Variants in ACSL1 observed in about 807,000 individuals in gnomAD.
ACSL1 encodes acyl-CoA synthetase long chain family member 1, also known as long-chain-fatty-acid--CoA ligase 1.
A neutral mutation model predicts 98.4 loss-of-function variants in ACSL1; 41 were observed. That is an observed-to-expected ratio of 0.42 (90% CI 0.32 to 0.54). ACSL1 has a LOEUF of 0.54. Ranked by LOEUF, ACSL1 falls within the 20% of genes least tolerant of loss-of-function variation. The pLI is 0.13. For synonymous variants in ACSL1, 316 were observed against 322.7 expected (o/e 0.98, Z 0.22); for missense variants, 734 against 883.1 (o/e 0.83, Z 2.14).
rs3806795 is a variant in ACSL1 at position 184,803,994 on chromosome 4, C to T, written c.-32-448G>A. On this transcript the variant is annotated intron_variant, in intron 1 of 20. Coordinates refer to ENST00000281455, the MANE Select transcript of ACSL1 (RefSeq NM_001995.5). This position sits in a 1 kb window ranked among gnomAD's most constrained non-coding sequence, Gnocchi z 4.8. ...AGTACAAGCCCAAACCACCTAAGGG[C>T]CATCAGTTTCTATTTCTTCCAACAG... is the stretch of plus-strand genomic sequence containing the variant. Among the ~76,000 whole-genome samples, 148 of 152,280 alleles carry T rather than the reference C, an allele frequency of 9.7e-4. 3 individuals are homozygous for T. In the East Asian group the frequency reaches 0.026, roughly 26 times the overall value.
intron 7 of ACSL1, among the ~76,000 whole-genome samples, chr4:184,774,773 T>G (rs961883917): frequency 1.1e-4 from 16 of 148,116 alleles, no homozygotes; most frequent in African/African-American, 3.7e-4. Context: ...CAGGGCTTAG[T>G]GAGTTTCTGC....
chr4:184,776,672 A>T lies in ACSL1; in HGVS notation c.578-10T>A. 6.2e-7 allele frequency: 1 copy of T among 1,606,518 alleles called. No homozygotes were observed. Among genetic ancestry groups the T allele is most frequent in the Non-Finnish European group, 8.5e-7 (1 of 1,178,534 alleles). Reference sequence around the variant, plus strand: ...ACCAGAGAGAGTTCAGCTGTAAATGAAGAGATACAATGAAGAATAAGCTCT... The same window carrying T: ...ACCAGAGAGAGTTCAGCTGTAAATGTAGAGATACAATGAAGAATAAGCTCT... On this transcript the variant is annotated splice_polypyrimidine_tract_variant and intron_variant, in intron 6 of 20. Coordinates refer to ENST00000281455, the MANE Select transcript of ACSL1 (RefSeq NM_001995.5).
Position 184,825,090 on chromosome 4 carries a change from G to A in ACSL1, c.-33+826C>T. 2.5e-6 allele frequency: 2 copies of A among 809,126 alleles called. No individual in the cohort carries two copies. Among genetic ancestry groups the A allele is most frequent in the Non-Finnish European group, 3.0e-6 (2 of 669,170 alleles). 50.1% of individuals were successfully genotyped at this position (809,126 alleles called of 1,614,324 possible). The stretch of plus-strand genomic sequence containing the variant: ...GGGCACTAGAGAACGCTTTTAGAAT[G>A]GTCACTCTTAATTATGCTCCATAAC... On this transcript the variant is annotated intron_variant, in intron 1 of 20. Coordinates refer to ENST00000281455, the MANE Select transcript of ACSL1 (RefSeq NM_001995.5). This position sits in a 1 kb window ranked among gnomAD's most constrained non-coding sequence, Gnocchi z 4.7.
Position 184,757,587 on chromosome 4 carries a change from TG to T in ACSL1, c.1956+47del, listed in dbSNP as rs1244593257. ...TAATCTACCTGTAAAAAAATCTTAA[TG>T]GAAAATTTGTTTTACAGGAATTCAC... On this transcript the variant is annotated intron_variant, in intron 20 of 20. Transcript: ENST00000281455. The surrounding 1 kb of genome is among the most constrained non-coding windows in gnomAD (Gnocchi z 4.5). The T allele has an allele frequency of 6.5e-7, 1 of 1,550,332 alleles. No individual in the cohort carries two copies. The highest frequency in any genetic ancestry group is 8.8e-7 in the Non-Finnish European group (1 of 1,136,428).
intron 1 of ACSL1, among the ~76,000 whole-genome samples, chr4:184,816,330 G>T (rs959471650): frequency 1.2e-4 from 19 of 152,216 alleles, no homozygotes; most frequent in Non-Finnish European, 2.8e-4. Context: ...TATTGGGAAG[G>T]AGAAGAGAGG....
At chr4:184,819,147 T>TG (rs1772860468) in intron 1 of ACSL1, among the ~76,000 whole-genome samples, 2 of 143,348 alleles carry the variant, frequency 1.4e-5, no homozygotes, top group East Asian at 3.9e-4. Flanking sequence ...GTACTTTTTT[T>TG]TTTTTTTTTT....
intron 1 of ACSL1, chr4:184,821,360 A>G (rs1244298601): frequency 1.1e-5 from 3 of 274,058 alleles, no homozygotes; most frequent in Admixed American, 9.4e-5. Context: ...CTAAGGGGAA[A>G]GTGCCCATTT....
intron 1 of ACSL1, among the ~76,000 whole-genome samples, chr4:184,814,637 G>C (rs898369005): frequency 5.3e-5 from 8 of 152,092 alleles, no homozygotes; most frequent in African/African-American, 1.9e-4. Context: ...ACTATTAGCT[G>C]TATTTTTAAA....
chr4:184,808,277 CA>C (rs1194646229), intron 1 of ACSL1: 3 of 983,148 alleles, frequency 3.1e-6, no homozygotes, highest in Non-Finnish European at 2.4e-6. Context: ...TGCAACTCTG[CA>C]AACTTTTACT....
intron 3 of ACSL1, among the ~76,000 whole-genome samples, chr4:184,784,923 A>G (rs1766956996): frequency 6.6e-6 from 1 of 152,252 alleles, no homozygotes; most frequent in Non-Finnish European, 1.5e-5. Flanking sequence ...GACTGTAACA[A>G]GCACCATACA....
chr4:184,795,278 C>T (rs1230729651), intron 2 of ACSL1, among the ~76,000 whole-genome samples: 1 of 152,186 alleles, frequency 6.6e-6, no homozygotes, highest in Non-Finnish European at 1.5e-5. Flanking sequence ...TCATTTGGCA[C>T]CAGTTGGTTC....
intron 10 of ACSL1, among the ~76,000 whole-genome samples, chr4:184,771,125 A>G (rs1764451806): frequency 6.6e-6 from 1 of 150,826 alleles, no homozygotes; most frequent in Non-Finnish European, 1.5e-5. Flanking sequence ...CTCTGAATCA[A>G]AAAAAAAAGC....
chr4:184,824,927 T>A (rs921731941), intron 1 of ACSL1, among the ~76,000 whole-genome samples: 1 of 152,168 alleles, frequency 6.6e-6, no homozygotes, highest in Non-Finnish European at 1.5e-5. Flanking sequence ...GGTTAAGTTG[T>A]GAAATGGGTG....
chr4:184,803,217 A>G lies in ACSL1; in HGVS notation c.195+103T>C. 8.5e-7 allele frequency: 1 copy of G among 1,177,622 alleles called. No individual in the cohort carries two copies. The allele number at this position is 1,177,622 out of a possible 1,614,324, so 72.9% of individuals were successfully genotyped here. A position where few individuals can be genotyped will look rare whatever the true frequency, so the allele number is the denominator to read the frequency against. Reference sequence around the variant, plus strand: ...ACATTTCCATTTACAAAGTGCAGTTATAAACAAATATTTGATCTTGATGGC... The same window carrying G: ...ACATTTCCATTTACAAAGTGCAGTTGTAAACAAATATTTGATCTTGATGGC... On this transcript the variant is annotated intron_variant, in intron 2 of 20. Coordinates refer to ENST00000281455, the MANE Select transcript of ACSL1 (RefSeq NM_001995.5). The surrounding 1 kb of genome is among the most constrained non-coding windows in gnomAD (Gnocchi z 4.8).
chr4:184,780,152 G>A (rs1032347566), intron 5 of ACSL1, among the ~76,000 whole-genome samples, 180 bp downstream of exon 5: 23 of 152,244 alleles, frequency 1.5e-4, no homozygotes, highest in African/African-American at 2.6e-4. Context: ...GATTACAGGC[G>A]TGAGCCACTG....
rs372302996 is a variant in ACSL1 at position 184,768,281 on chromosome 4, T to C, written c.1128+35A>G. 5 of 1,592,118 alleles carry C rather than the reference T, an allele frequency of 3.1e-6. 1 individual carries two copies. The African/African-American group carries it at 4.1e-5, about 13-fold the overall frequency. On this transcript the variant is annotated intron_variant, in intron 12 of 20. Coordinates refer to ENST00000281455, the MANE Select transcript of ACSL1 (RefSeq NM_001995.5). Reference sequence around the variant, plus strand: ...GCCCAAGCCCCTGCGTCCAAGTCAGTGCTCAGTCCTGGGACTTCGCTGCTT... The same window carrying C: ...GCCCAAGCCCCTGCGTCCAAGTCAGCGCTCAGTCCTGGGACTTCGCTGCTT...
At chr4:184,819,518 A>T (rs1445345819) in intron 1 of ACSL1, among the ~76,000 whole-genome samples, 2 of 152,108 alleles carry the variant, frequency 1.3e-5, no homozygotes, top group African/African-American at 4.8e-5. Context: ...TCTTGATCTT[A>T]GCTATAGGAT....
chr4:184,760,284 C>T, intron 18 of ACSL1, 73 bp downstream of exon 18: 1 of 1,540,578 alleles, frequency 6.5e-7, no homozygotes, highest in Non-Finnish European at 8.8e-7. Context: ...CTTCCAATCA[C>T]ATTTAAAGCC....
chr4:184,791,486 T>C (rs557286298), intron 2 of ACSL1, among the ~76,000 whole-genome samples: 1 of 152,212 alleles, frequency 6.6e-6, no homozygotes, highest in Non-Finnish European at 1.5e-5. Context: ...ACACCAGACC[T>C]GCTGAATCCG....
Sources: gnomAD v4.1 joint callset for allele counts (sites outside exome capture counted in the v4.1 genomes callset) on GRCh38, gnomAD v4.1.1 for gene constraint, Gnocchi (gnomAD v3.1) non-coding constraint, MANE v1.5 for transcripts, NCBI Gene and HGNC (gene_info 2026-07-23, HGNC 2026-07-21) for gene names.